Variants in SGCD observed in about 807,000 individuals in gnomAD.
The protein encoded by SGCD is delta-sarcoglycan.
A neutral mutation model predicts 36.6 loss-of-function variants in SGCD; 18 were observed. The ratio of observed to expected loss-of-function variants is 0.49; its 90% confidence interval spans 0.34 to 0.73. The LOEUF is 0.73. Among genes scored for constraint, SGCD ranks in the 30% least tolerant of loss-of-function variants. The pLI is 0.01. For missense variants in SGCD, 387 were observed against 346.7 expected (o/e 1.12, Z -0.92); for synonymous variants, 133 against 130.6 (o/e 1.02, Z -0.12).
At chr5:155,856,467 A>G in the SGCD span, among the ~76,000 whole-genome samples, 1 of 152,200 alleles carries the variant, frequency 6.6e-6, no homozygotes, top group African/African-American at 2.4e-5. Context: ...ATTAAAAGTA[A>G]CCTCTAAGTA....
In SGCD at chr5:156,108,865, T is replaced by C. The variant is rs201431194; in HGVS notation, c.-281-9013T>C. ...AGACAACAGTCTATTATTTCAGGTT[T>C]GTGTTACACTTCCTAATACATAAAG... On this transcript the variant is annotated intron_variant, in intron 1 of 9. Coordinates refer to the SGCD transcript ENST00000517913. 8.5e-5 allele frequency among the ~76,000 whole-genome samples: 13 copies of C among 152,276 alleles called. No homozygotes were observed. The East Asian group carries it at 2.5e-3, about 29-fold the overall frequency.
intron 1 of SGCD, among the ~76,000 whole-genome samples, chr5:156,067,711 C>T (rs1204343022): frequency 7.8e-6 from 1 of 127,840 alleles, no homozygotes; most frequent in Non-Finnish European, 1.6e-5. Context: ...TTTCCAGGTG[C>T]GACCATCACC....
At position 156,634,458 on chromosome 5, in the gene SGCD, GCAA is replaced by G. The variant is rs369295537; in HGVS notation, c.503-12984_503-12982del. Among the ~76,000 whole-genome samples the G allele has an allele frequency of 6.2e-3, 935 of 151,926 alleles. 2 individuals are homozygous for G. The highest frequency in any genetic ancestry group is 7.9e-3 in the Non-Finnish European group (538 of 67,942). On this transcript the variant is annotated intron_variant, in intron 6 of 8. Transcript: ENST00000337851. ...CTTGAAGAAAAAACAAAGGAAAACAGCAACAACAACAACAACAACAACAAACCT... is the reference window on the plus strand; with the variant it reads ...CTTGAAGAAAAAACAAAGGAAAACAGCAACAACAACAACAACAACAAACCT...
intron 2 of SGCD, among the ~76,000 whole-genome samples, chr5:156,331,802 T>C (rs1196506383): frequency 6.6e-6 from 1 of 152,172 alleles, no homozygotes; most frequent in Non-Finnish European, 1.5e-5. Flanking sequence ...CTAACCCTCA[T>C]TGGGGTTGTG....
In SGCD at chr5:156,307,041, C is replaced by CT. The variant is rs71577193; in HGVS notation, c.-43-22475dup. ...GCTATTTGCACAGAATATAAGTTTT[C>CT]TTTTTTTTTTTTTTTTTTGATTTAG... On this transcript the variant is annotated intron_variant, in intron 3 of 9. Transcript: ENST00000517913. 9.3e-3 allele frequency among the ~76,000 whole-genome samples: 1,160 copies of CT among 124,524 alleles called. 10 individuals are homozygous for CT. Among genetic ancestry groups the CT allele is most frequent in the Non-Finnish European group, 0.011 (677 of 59,684 alleles). The allele number at this position is 124,524 out of a possible 152,430, so 81.7% of individuals were successfully genotyped here.
At chr5:156,455,530 T>C (rs575460295) in intron 3 of SGCD, among the ~76,000 whole-genome samples, 2 of 152,230 alleles carry the variant, frequency 1.3e-5, no homozygotes, top group South Asian at 4.2e-4. Flanking sequence ...TTGGCCCCTG[T>C]GTCCATAACA....
At chr5:155,780,538 G>A in the SGCD span, among the ~76,000 whole-genome samples, 4 of 152,062 alleles carry the variant, frequency 2.6e-5, no homozygotes, top group Non-Finnish European at 4.4e-5. Flanking sequence ...GTGCCTTCAC[G>A]ACTGCTGAGA....
chr5:156,648,302 G>A (rs1482361050), intron 7 of SGCD, among the ~76,000 whole-genome samples: 2 of 147,154 alleles, frequency 1.4e-5, no homozygotes, highest in Non-Finnish European at 3.0e-5. Context: ...TTACCTAAAA[G>A]CAATCATAAA....
chr5:155,960,970 C>T (rs867223090), intron 1 of SGCD, among the ~76,000 whole-genome samples: 22 of 152,166 alleles, frequency 1.4e-4, no homozygotes, highest in East Asian at 3.9e-4. Context: ...CATGCGATCA[C>T]GACAGAATTA....
At chr5:156,440,815 TTTA>T (rs1264012066) in intron 3 of SGCD, among the ~76,000 whole-genome samples, 1 of 152,170 alleles carries the variant, frequency 6.6e-6, no homozygotes, top group African/African-American at 2.4e-5. Flanking sequence ...AGTTTGCCTT[TTTA>T]TTAAGTTGTA....
the SGCD span, among the ~76,000 whole-genome samples, chr5:155,728,457 A>G: frequency 6.6e-6 from 1 of 152,146 alleles, no homozygotes; most frequent in Non-Finnish European, 1.5e-5. Flanking sequence ...GAACAGGAGG[A>G]GGGGCACGGC....
chr5:156,264,535 T>A (rs1392962208), intron 3 of SGCD, among the ~76,000 whole-genome samples: 1 of 152,184 alleles, frequency 6.6e-6, no homozygotes, highest in Non-Finnish European at 1.5e-5. Flanking sequence ...ATGCTATCAC[T>A]TCCCAGGTCC....
chr5:155,825,680 G>A, the SGCD span, among the ~76,000 whole-genome samples: 8 of 151,964 alleles, frequency 5.3e-5, no homozygotes, highest in Admixed American at 3.9e-4. Flanking sequence ...GTCCTGGATC[G>A]AGGAGTGCAA....
chr5:155,871,757 C>T (rs760437134), intron 1 of SGCD, among the ~76,000 whole-genome samples: 2 of 152,174 alleles, frequency 1.3e-5, no homozygotes, highest in Admixed American at 6.5e-5. Context: ...GAAGTGAACA[C>T]GTTTAAGGAA....
chr5:156,434,922 G>A (rs1580988407), intron 3 of SGCD, among the ~76,000 whole-genome samples: 1 of 152,302 alleles, frequency 6.6e-6, no homozygotes, highest in Non-Finnish European at 1.5e-5. Context: ...TAGCTGCCAA[G>A]CAAGTCATCT....
At chr5:156,689,478 C>T (rs144974121) in intron 7 of SGCD, among the ~76,000 whole-genome samples, 5 of 152,246 alleles carry the variant, frequency 3.3e-5, no homozygotes, top group Admixed American at 6.5e-5. Context: ...ATCCCGAAAT[C>T]TTGGATGAGG....
chr5:156,580,193 G>C (rs1760187403), intron 4 of SGCD, among the ~76,000 whole-genome samples: 1 of 152,208 alleles, frequency 6.6e-6, no homozygotes, highest in African/African-American at 2.4e-5. Context: ...GGCTGAATAT[G>C]AAATTCTGGG....
At chr5:156,100,819 G>T (rs1761500875) in intron 1 of SGCD, among the ~76,000 whole-genome samples, 1 of 152,116 alleles carries the variant, frequency 6.6e-6, no homozygotes, top group Admixed American at 6.5e-5. Context: ...GTATACACTA[G>T]CAGTTAAGGC....
At chr5:155,953,237 T>C (rs1757578894) in intron 1 of SGCD, among the ~76,000 whole-genome samples, 1 of 152,132 alleles carries the variant, frequency 6.6e-6, no homozygotes, top group Non-Finnish European at 1.5e-5. Context: ...GAAAGCACAA[T>C]TTACTTAATA....
Sources: gnomAD v4.1 joint callset for allele counts (sites outside exome capture counted in the v4.1 genomes callset) on GRCh38, gnomAD v4.1.1 for gene constraint, MANE v1.5 for transcripts, NCBI Gene and HGNC (gene_info 2026-07-23, HGNC 2026-07-21) for gene names.